Variants in HCN1 observed in about 807,000 individuals in gnomAD.
The protein encoded by HCN1 is potassium/sodium hyperpolarization-activated cyclic nucleotide-gated channel 1.
Under a neutral mutation model 78.9 loss-of-function variants are expected in HCN1, and 13 were observed. The ratio of observed to expected loss-of-function variants is 0.16; its 90% CI spans 0.11 to 0.26. The LOEUF (loss-of-function observed/expected upper bound fraction) is 0.26. HCN1 is among the 10% of genes least tolerant of loss of function. HCN1 has a pLI of 1.00. For synonymous variants in HCN1, 552 were observed against 455.5 expected, an observed-to-expected ratio of 1.21 and a Z score of -2.70; for missense variants, 810 against 1,154.3, an observed-to-expected ratio of 0.70 and a Z score of 4.32.
At chr5:45,591,475 T>G (rs143633020) in intron 2 of HCN1, among the ~76,000 whole-genome samples, 1 of 152,296 alleles carries the variant, frequency 6.6e-6, no homozygotes, top group Non-Finnish European at 1.5e-5. Context: ...CATAGATGTA[T>G]AGTGGTATCT....
At chr5:45,485,730 T>C (rs1741742948) in intron 2 of HCN1, among the ~76,000 whole-genome samples, 1 of 152,120 alleles carries the variant, frequency 6.6e-6, no homozygotes, top group Non-Finnish European at 1.5e-5. Context: ...TAGCCTTGCA[T>C]AGTAGAAAAG....
At chr5:45,371,858 A>C (rs916634883) in intron 4 of HCN1, among the ~76,000 whole-genome samples, 1 of 125,806 alleles carries the variant, frequency 7.9e-6, no homozygotes, top group East Asian at 2.1e-4. Flanking sequence ...TATATATAAT[A>C]TACATTAGTA....
chr5:45,321,687 T>C (rs1022575862), intron 5 of HCN1, among the ~76,000 whole-genome samples: 2 of 151,866 alleles, frequency 1.3e-5, no homozygotes, highest in African/African-American at 4.8e-5. Flanking sequence ...TTGAATGCCA[T>C]ATTTTACACA....
intron 6 of HCN1, among the ~76,000 whole-genome samples, chr5:45,286,262 T>C (rs1270066182): frequency 2.0e-5 from 3 of 151,954 alleles, no homozygotes; most frequent in Admixed American, 2.0e-4. Context: ...ATCCTTTCTG[T>C]TCTCCAAGTT....
intron 1 of HCN1, among the ~76,000 whole-genome samples, chr5:45,670,527 AATATG>A (rs909350194): frequency 1.3e-5 from 2 of 151,726 alleles, no homozygotes; most frequent in African/African-American, 2.4e-5. Flanking sequence ...CAATTAGAAA[AATATG>A]ATATAATTTT....
intron 2 of HCN1, among the ~76,000 whole-genome samples, chr5:45,526,645 G>T (rs1054246715): frequency 7.2e-5 from 11 of 152,028 alleles, no homozygotes; most frequent in African/African-American, 2.4e-4. Context: ...ACTTATTTTG[G>T]TTTTTCCATT....
chr5:45,299,326 A>G (rs541138142), intron 6 of HCN1, among the ~76,000 whole-genome samples: 171 of 152,170 alleles, frequency 1.1e-3, no homozygotes, highest in South Asian at 8.9e-3. Flanking sequence ...TGCAATAATT[A>G]TGTAAATATA....
intron 2 of HCN1, among the ~76,000 whole-genome samples, chr5:45,626,385 T>C (rs1470350684): frequency 6.6e-6 from 1 of 152,118 alleles, no homozygotes; most frequent in Non-Finnish European, 1.5e-5. Flanking sequence ...CACTCCTGAG[T>C]GCTCACCATG....
At position 45,290,340 on chromosome 5, in the gene HCN1, C is replaced by T. The variant is rs190464599; in HGVS notation, c.1618+13259G>A. Among the ~76,000 whole-genome samples, 3 of 152,150 alleles carry T rather than the reference C, an allele frequency of 2.0e-5. No individual in the cohort carries two copies. In the East Asian group the frequency reaches 5.8e-4, roughly 30 times the overall value. ...ACTAATCCTATTCATCAGGGTTCCACCCTCATGACCTAATTACCTTCCAGA... is the reference window on the plus strand; with the variant it reads ...ACTAATCCTATTCATCAGGGTTCCATCCTCATGACCTAATTACCTTCCAGA... On this transcript the variant is annotated intron_variant, in intron 6 of 7. Coordinates refer to ENST00000303230, the MANE Select transcript of HCN1 (RefSeq NM_021072.4).
chr5:45,650,718 T>C (rs1745660096), intron 1 of HCN1, among the ~76,000 whole-genome samples: 1 of 152,000 alleles, frequency 6.6e-6, no homozygotes, highest in Non-Finnish European at 1.5e-5. Context: ...CTAGAAGAGA[T>C]AAAGTGGCGT....
intron 4 of HCN1, among the ~76,000 whole-genome samples, chr5:45,370,832 A>G (rs1043635160): frequency 1.3e-5 from 2 of 152,118 alleles, no homozygotes; most frequent in Non-Finnish European, 2.9e-5. Flanking sequence ...TTTTATGTGC[A>G]CACACTCTAA....
At chr5:45,493,240 A>G (rs1741933725) in intron 2 of HCN1, among the ~76,000 whole-genome samples, 1 of 152,040 alleles carries the variant, frequency 6.6e-6, no homozygotes, top group African/African-American at 2.4e-5. Context: ...ACATATGTAT[A>G]TATAGATATA....
chr5:45,500,720 C>A lies in HCN1; in HGVS notation c.850-38713G>T, dbSNP rs566750217. Reference sequence around the variant, plus strand: ...AGGTCACAAGGTTTGCAAAATCACACAAAAAGTTTTAAAATTAATAACTCT... The same window carrying A: ...AGGTCACAAGGTTTGCAAAATCACAAAAAAAGTTTTAAAATTAATAACTCT... On this transcript the variant is annotated intron_variant, in intron 2 of 7. Coordinates refer to ENST00000303230, the MANE Select transcript of HCN1 (RefSeq NM_021072.4). Among the ~76,000 whole-genome samples, 7 of 152,192 alleles carry A rather than the reference C, an allele frequency of 4.6e-5. No individual in the cohort carries two copies. In the South Asian group the frequency reaches 1.2e-3, roughly 27 times the overall value.
chr5:45,315,862 A>C (rs184825489), intron 5 of HCN1, among the ~76,000 whole-genome samples: 1 of 152,210 alleles, frequency 6.6e-6, no homozygotes, highest in African/African-American at 2.4e-5. Flanking sequence ...AGAATAAACC[A>C]GGAGGAAGCT....
chr5:45,404,805 A>C (rs966847780), intron 3 of HCN1, among the ~76,000 whole-genome samples: 1 of 151,766 alleles, frequency 6.6e-6, no homozygotes, highest in Non-Finnish European at 1.5e-5. Flanking sequence ...TTAGCCACTC[A>C]GTAGCCTGCC....
chr5:45,406,866 T>C (rs193222205), intron 3 of HCN1, among the ~76,000 whole-genome samples: 9 of 152,290 alleles, frequency 5.9e-5, no homozygotes, highest in Non-Finnish European at 1.2e-4. Context: ...TCAGTGAAGA[T>C]AGTTTGACCT....
At chr5:45,506,658 G>A (rs1159537602) in intron 2 of HCN1, among the ~76,000 whole-genome samples, 2 of 151,996 alleles carry the variant, frequency 1.3e-5, no homozygotes, top group East Asian at 1.9e-4. Context: ...ATTTTGCTTT[G>A]TATTGCTATT....
chr5:45,446,964 A>T (rs1402996560), intron 3 of HCN1, among the ~76,000 whole-genome samples: 3 of 152,286 alleles, frequency 2.0e-5, no homozygotes, highest in African/African-American at 7.2e-5. Flanking sequence ...CGAGACTAGG[A>T]AGAAACTGCA....
intron 5 of HCN1, among the ~76,000 whole-genome samples, chr5:45,324,923 G>C (rs1329120198): frequency 1.3e-5 from 2 of 151,748 alleles, no homozygotes; most frequent in African/African-American, 4.8e-5. Flanking sequence ...AGTGCCCCAA[G>C]CTTCTACTCC....
Sources: allele counts gnomAD v4.1 joint callset (sites outside exome capture counted in the v4.1 genomes callset), GRCh38; gene constraint gnomAD v4.1.1; transcripts MANE v1.5; gene names NCBI Gene and HGNC (gene_info 2026-07-23, HGNC 2026-07-21).